Variants in CHCHD5 observed in about 807,000 individuals in gnomAD.
The protein encoded by CHCHD5 is coiled-coil-helix-coiled-coil-helix domain-containing protein 5.
In CHCHD5, 10 loss-of-function variants were observed where a neutral mutation model predicts 16.0. The observed-to-expected ratio is 0.63, with a 90% CI of 0.39 to 1.06. CHCHD5 has a LOEUF of 1.06. CHCHD5 is among the 50% of genes least tolerant of loss of function. CHCHD5 has a pLI of 0.01. For missense variants in CHCHD5, 163 were observed against 153.4 expected (o/e 1.06, Z -0.33); for synonymous variants, 55 against 56.3 (o/e 0.98, Z 0.10).
At chr2:112,585,845 C>A in intron 1 of CHCHD5, 129 bp from the exon 2 acceptor site, 1 of 1,032,204 alleles carries the variant, frequency 9.7e-7, no homozygotes, top group Non-Finnish European at 1.4e-6. Context: ...CTACAGTGAG[C>A]TATGATCGTG....
rs770263831 is a variant in CHCHD5 at position 112,588,837 on chromosome 2, T to C, written c.310-29T>C. On this transcript the variant is annotated intron_variant, in intron 3 of 3. Transcript: ENST00000324913. ...CCCAGGCTGGGCACAGAGGAGGTGCTACTAGATGTTGATGTACTTTCTCCA... is the reference window on the plus strand; with the variant it reads ...CCCAGGCTGGGCACAGAGGAGGTGCCACTAGATGTTGATGTACTTTCTCCA... 4.4e-6 allele frequency: 7 copies of C among 1,594,804 alleles called. No homozygotes were observed. The South Asian group carries it at 6.6e-5, about 15-fold the overall frequency.
intron 3 of CHCHD5, 109 bp downstream of exon 3, chr2:112,586,474 C>G: frequency 6.4e-7 from 1 of 1,564,680 alleles, no homozygotes; most frequent in Non-Finnish European, 8.7e-7. Context: ...ACCCCATCAC[C>G]ACACAGGCCT....
intron 1 of CHCHD5, 49 bp from the exon 2 acceptor site, chr2:112,585,925 C>T (rs746491278): frequency 1.9e-6 from 3 of 1,569,972 alleles, no homozygotes; most frequent in Admixed American, 3.9e-5. Context: ...AAAGAATTCC[C>T]TTGCTTGCCT....
rs202075189 is a variant in CHCHD5, at chr2:112,588,892, A to T, written c.*3A>T. 9.2e-5 allele frequency: 148 copies of T among 1,609,740 alleles called. No individual in the cohort carries two copies. In the Middle Eastern group the frequency reaches 9.9e-4, roughly 11 times the overall value. On this transcript the variant is annotated 3_prime_UTR_variant, in exon 4 of 4. Transcript: ENST00000324913. Reference sequence around the variant, plus strand: ...CACAGCCACTTCCTGCCTCCTGAGGACTCCTCTGACGGCAGGAAAACTGGA... The same window carrying T: ...CACAGCCACTTCCTGCCTCCTGAGGTCTCCTCTGACGGCAGGAAAACTGGA...
At chr2:112,588,804 A>G (rs1290843657) in intron 3 of CHCHD5, 62 bp from the exon 4 acceptor site, 1 of 1,376,834 alleles carries the variant, frequency 7.3e-7, no homozygotes, top group Admixed American at 1.7e-5. Context: ...TGGTGTCTAC[A>G]TAGGCTCCCC....
At chr2:112,586,760 T>TC in intron 3 of CHCHD5, 3 of 652,066 alleles carry the variant, frequency 4.6e-6, no homozygotes, top group Non-Finnish European at 5.0e-6. Flanking sequence ...TCTGTGTTCT[T>TC]CCCTAGGCTG....
chr2:112,588,024 A>C (rs1228234927), intron 3 of CHCHD5: 1 of 152,484 alleles, frequency 6.6e-6, no homozygotes, highest in Non-Finnish European at 1.5e-5. Context: ...GTGCGGTGGC[A>C]CATGCCTGTA....
chr2:112,587,883 G>T (rs1685267147), intron 3 of CHCHD5: 1 of 152,156 alleles, frequency 6.6e-6, no homozygotes, highest in African/African-American at 2.4e-5. Flanking sequence ...TCCTATCTTA[G>T]AGCCATTTGC....
At chr2:112,587,379 C>CT (rs997476407) in intron 3 of CHCHD5, 2 of 152,418 alleles carry the variant, frequency 1.3e-5, no homozygotes, top group African/African-American at 4.8e-5. Context: ...CCCTTAAGCT[C>CT]TATGTTCCAG....
intron 3 of CHCHD5, chr2:112,586,648 A>G (rs1685236434): frequency 6.9e-7 from 1 of 1,443,344 alleles, no homozygotes; most frequent in Admixed American, 2.5e-5. Context: ...GGCCTGGGTG[A>G]GCATGTAAGG....
chr2:112,586,186 C>T lies in CHCHD5; in HGVS notation c.144-14C>T, dbSNP rs183662926. ...TGGGAATCTCCCAGGGGCTGAACTG[C>T]CCTACCCCCACAGCCCAATCATCCG... On this transcript the variant is annotated splice_polypyrimidine_tract_variant and intron_variant, in intron 2 of 3. Transcript: ENST00000324913. 35 of 1,609,550 alleles carry T rather than the reference C, an allele frequency of 2.2e-5. No homozygotes were observed. In the East Asian group the frequency reaches 7.6e-4, roughly 35 times the overall value.
intron 3 of CHCHD5, chr2:112,588,622 G>A: frequency 1.9e-6 from 1 of 514,636 alleles, no homozygotes. Flanking sequence ...TTGAGTCAGA[G>A]AGTTTTGCCT....
In CHCHD5 at chr2:112,588,944, C is replaced by G; in HGVS notation, c.*55C>G. 7.2e-7 allele frequency: 1 copy of G among 1,383,542 alleles called. No homozygotes were observed. The highest frequency in any genetic ancestry group is 2.3e-5 in the East Asian group (1 of 43,804). The allele number at this position is 1,383,542 out of a possible 1,614,324, so 85.7% of individuals were successfully genotyped here. On this transcript the variant is annotated 3_prime_UTR_variant, in exon 4 of 4. Transcript: ENST00000324913. ...ATGAATGACTGCCCCCACGCCCCTC[C>G]CCTGCAGAGTGGCCAGATGGAGTCC...
At chr2:112,587,158 C>A (rs1032802671) in intron 3 of CHCHD5, 1 of 153,996 alleles carries the variant, frequency 6.5e-6, no homozygotes, top group African/African-American at 2.4e-5. Context: ...CCATCCTTCT[C>A]CTGGGCCCCA....
intron 3 of CHCHD5, chr2:112,587,909 A>C (rs1558674039): frequency 6.6e-6 from 1 of 152,206 alleles, no homozygotes; most frequent in Non-Finnish European, 1.5e-5. Flanking sequence ...CCCTCCCTGG[A>C]CCAGCAACCA....
Position 112,588,923 on chromosome 2 carries a change from A to G in CHCHD5, c.*34A>G, listed in dbSNP as rs1038542412. 1.2e-5 allele frequency: 19 copies of G among 1,579,128 alleles called. No individual in the cohort carries two copies. Among genetic ancestry groups the G allele is most frequent in the Non-Finnish European group, 1.5e-5 (17 of 1,148,614 alleles). ...CTGACGGCAGGAAAACTGGACATGA[A>G]TGACTGCCCCCACGCCCCTCCCCTG... On this transcript the variant is annotated 3_prime_UTR_variant, in exon 4 of 4. Transcript: ENST00000324913.
chr2:112,586,360 G>A lies in CHCHD5; in HGVS notation c.304G>A (p.Val102Met). 4 of 1,614,254 alleles carry A rather than the reference G, an allele frequency of 2.5e-6. No homozygotes were observed. The highest frequency in any genetic ancestry group is 3.4e-6 in the Non-Finnish European group (4 of 1,180,046). ...QVQPPRSPATVEAQPLPAS is the reference protein window; with the variant it reads ...QVQPPRSPATMEAQPLPAS ...GCAGCCGCCACGCTCACCTGCAACTGTGGAGGTAAGAGGGGCTCACCTCAG... is the reference window on the plus strand; with the variant it reads ...GCAGCCGCCACGCTCACCTGCAACTATGGAGGTAAGAGGGGCTCACCTCAG... Residue 102 changes from valine (V) to methionine (M), a missense_variant, in exon 3 of 4, where the codon GTG becomes ATG. Val to Met is a conservative substitution (Grantham distance 21). Transcript: ENST00000324913.
At position 112,585,970 on chromosome 2, in the gene CHCHD5, A is replaced by T. The variant is rs1287924363; in HGVS notation, c.3-4A>T. 6.2e-7 allele frequency: 1 copy of T among 1,612,906 alleles called. No individual in the cohort carries two copies. On this transcript the variant is annotated splice_region_variant and splice_polypyrimidine_tract_variant and intron_variant, in intron 1 of 3. Coordinates refer to ENST00000324913, the MANE Select transcript of CHCHD5 (RefSeq NM_032309.4). ...AATGATCCTCAGCCCATCCTGTCCC[A>T]CAGGCAGGCGGCCCTAGAGGTCACC...
Position 112,586,229 on chromosome 2 carries a change from G to A in CHCHD5, c.173G>A (p.Cys58Tyr). Residue 58 changes from cysteine (C) to tyrosine (Y), a missense_variant, in exon 3 of 4, where the codon TGT becomes TAT. Transcript: ENST00000324913. Reference protein sequence around the residue: ...HPIIRQIRQACAQPFEAFEEC... With the variant: ...HPIIRQIRQAYAQPFEAFEEC... ...ATCATCCGCCAGATCCGCCAGGCCTGTGCTCAGCCTTTTGAGGCCTTCGAG... is the reference window on the plus strand; with the variant it reads ...ATCATCCGCCAGATCCGCCAGGCCTATGCTCAGCCTTTTGAGGCCTTCGAG... 6.2e-7 allele frequency: 1 copy of A among 1,612,950 alleles called. No individual in the cohort carries two copies. Among genetic ancestry groups the A allele is most frequent in the Admixed American group, 1.7e-5 (1 of 60,008 alleles).
Sources: gnomAD v4.1 joint callset for allele counts on GRCh38, gnomAD v4.1.1 for gene constraint, MANE v1.5 for transcripts, NCBI Gene and HGNC (gene_info 2026-07-23, HGNC 2026-07-21) for gene names.